FAM53B: variants seen among roughly 807,000 people sequenced by gnomAD.
The protein encoded by FAM53B is family with sequence similarity 53 member B, also known as protein FAM53B.
In FAM53B, 12 loss-of-function variants were observed where a neutral mutation model predicts 32.7. That is an observed-to-expected ratio of 0.37 (90% CI 0.24 to 0.59). The LOEUF is 0.59. Among genes scored for constraint, FAM53B ranks in the 20% least tolerant of loss-of-function variants. The pLI is 0.72. For synonymous variants in FAM53B, 234 were observed against 228.7 expected, an observed-to-expected ratio of 1.02 and a Z score of -0.21; for missense variants, 477 against 577.7, an observed-to-expected ratio of 0.83 and a Z score of 1.79.
At chr10:124,639,941 C>T (rs890622986) in intron 4 of FAM53B, among the ~76,000 whole-genome samples, 1 of 151,952 alleles carries the variant, frequency 6.6e-6, no homozygotes, top group Admixed American at 6.6e-5. Context: ...GTGGCAGGGC[C>T]AGGTTCAAAT....
chr10:124,731,378 CA>C (rs1243706049), intron 1 of FAM53B, among the ~76,000 whole-genome samples: 2 of 152,180 alleles, frequency 1.3e-5, no homozygotes, highest in African/African-American at 4.8e-5. Flanking sequence ...GAACCGAAGT[CA>C]AAAGCCATCA....
At chr10:124,694,584 C>T (rs1949856603) in intron 3 of FAM53B, among the ~76,000 whole-genome samples, 3 of 152,200 alleles carry the variant, frequency 2.0e-5, no homozygotes. Context: ...CAGCTAAAGC[C>T]TAGGCAGGGT....
Position 124,623,417 on chromosome 10 carries a change from T to C in FAM53B, c.1094A>G (p.Asp365Gly). ...CAGGTCCTCCTGGCAGGCGAGGTGG[T>C]CGTCGAAGGAAGGGGGAAGAGGCTC... is the stretch of plus-strand genomic sequence containing the variant. ...VPEPLPPSFDDHLACQEDLSC... is the reference protein window; with the variant it reads ...VPEPLPPSFDGHLACQEDLSC... The change falls in exon 5 of 5, where the codon GAC (aspartate) becomes GGC (glycine). Residue 365 changes from aspartate to glycine, a missense_variant. Physicochemically the swap from Asp to Gly is moderately conservative, Grantham distance 94 (BLOSUM62 -1). Coordinates refer to ENST00000337318, the MANE Select transcript of FAM53B (RefSeq NM_014661.4). 1 of 1,608,426 alleles carries C rather than the reference T, an allele frequency of 6.2e-7. No individual in the cohort carries two copies. The highest frequency in any genetic ancestry group is 8.5e-7 in the Non-Finnish European group (1 of 1,178,256).
At position 124,744,377 on chromosome 10, in the gene FAM53B, G is replaced by A. The variant is rs1314070019; in HGVS notation, c.-539C>T. The A allele has an allele frequency of 6.9e-6, 1 of 145,608 alleles. No individual in the cohort carries two copies. The highest frequency in any genetic ancestry group is 1.5e-5 in the Non-Finnish European group (1 of 65,032). 9.0% of individuals were successfully genotyped at this position (145,608 alleles called of 1,614,324 possible). A position where few individuals can be genotyped will look rare whatever the true frequency, so the allele number is the denominator to read the frequency against. ...GGCGGCGGCGGCAGGCGAGTGTGCA[G>A]TGCGCGCAGCCGCCGATGGGCGGGG... On this transcript the variant is annotated 5_prime_UTR_variant, in exon 1 of 5. Coordinates refer to ENST00000337318, the MANE Select transcript of FAM53B (RefSeq NM_014661.4).
At position 124,692,386 on chromosome 10, in the gene FAM53B, T is replaced by C. The variant is rs140181508; in HGVS notation, c.133+3772A>G. On this transcript the variant is annotated intron_variant, in intron 3 of 4. Transcript: ENST00000337318. Reference sequence around the variant, plus strand: ...GTATCCAGCTTGCAATCACAGGGCGTGAAGTGCTTTTAATTAAAATAAATA... The same window carrying C: ...GTATCCAGCTTGCAATCACAGGGCGCGAAGTGCTTTTAATTAAAATAAATA... 3.4e-3 allele frequency among the ~76,000 whole-genome samples: 521 copies of C among 152,124 alleles called. 8 individuals are homozygous for C. Among genetic ancestry groups the C allele is most frequent in the African/African-American group, 0.012 (508 of 41,474 alleles).
At chr10:124,642,517 C>T (rs546485325) in intron 4 of FAM53B, among the ~76,000 whole-genome samples, 12 of 152,376 alleles carry the variant, frequency 7.9e-5, no homozygotes, top group African/African-American at 2.6e-4. Flanking sequence ...GCCCAACAGG[C>T]AGATGGGTGC....
chr10:124,744,251 G>T lies in FAM53B; in HGVS notation c.-413C>A, dbSNP rs1489052454. 1 of 147,276 alleles carries T rather than the reference G, an allele frequency of 6.8e-6. No homozygotes were observed. Among genetic ancestry groups the T allele is most frequent in the Non-Finnish European group, 1.5e-5 (1 of 66,092 alleles). 9.1% of individuals were successfully genotyped at this position (147,276 alleles called of 1,614,324 possible). ...CCGCACCCGCCGCCGCCGCGGAGCC[G>T]CCAGACCGCGGCTGCGTGAACTCGG... On this transcript the variant is annotated 5_prime_UTR_variant, in exon 1 of 5. Transcript: ENST00000337318.
chr10:124,717,943 A>G (rs1270026619), intron 1 of FAM53B, among the ~76,000 whole-genome samples: 5 of 152,072 alleles, frequency 3.3e-5, no homozygotes, highest in African/African-American at 1.2e-4. Flanking sequence ...GGCTACAGAC[A>G]CAGCTTTCCT....
intron 4 of FAM53B, among the ~76,000 whole-genome samples, chr10:124,662,047 C>G (rs928474576): frequency 6.6e-6 from 1 of 152,204 alleles, no homozygotes; most frequent in Non-Finnish European, 1.5e-5. Context: ...CTCCATGACT[C>G]TAGCCCTCAC....
At chr10:124,725,981 C>T (rs1354777041) in intron 1 of FAM53B, among the ~76,000 whole-genome samples, 2 of 152,156 alleles carry the variant, frequency 1.3e-5, no homozygotes, top group South Asian at 2.1e-4. Flanking sequence ...GCAATGTGCA[C>T]TGGTTCTCCA....
intron 4 of FAM53B, among the ~76,000 whole-genome samples, chr10:124,626,388 G>C (rs1453568938): frequency 2.9e-5 from 3 of 101,768 alleles, no homozygotes; most frequent in African/African-American, 6.7e-5. Flanking sequence ...CGAAATTTGT[G>C]CCCCCCCCCC....
intron 3 of FAM53B, among the ~76,000 whole-genome samples, chr10:124,687,403 G>C (rs1205172312): frequency 6.6e-6 from 1 of 152,214 alleles, no homozygotes; most frequent in Admixed American, 6.5e-5. Flanking sequence ...AAAGGGCAAG[G>C]ACCTGGGTTC....
In FAM53B at chr10:124,680,230, G is replaced by C. The variant is rs75906421; in HGVS notation, c.906+1377C>G. ...GGAAACTAGCTGAGAAGAGGCAAGA[G>C]CTCTGCCCCACACCCCTTCAGGCTC... On this transcript the variant is annotated intron_variant, in intron 4 of 4. Transcript: ENST00000337318. Among the ~76,000 whole-genome samples, 662 of 152,302 alleles carry C rather than the reference G, an allele frequency of 4.3e-3. 27 individuals are homozygous for C. In the East Asian group the frequency reaches 0.09, roughly 21 times the overall value.
At chr10:124,700,960 G>A (rs1211544950) in intron 2 of FAM53B, among the ~76,000 whole-genome samples, 1 of 152,218 alleles carries the variant, frequency 6.6e-6, no homozygotes. Flanking sequence ...CCTGAGACAA[G>A]AAAGAGAAGC....
chr10:124,725,929 T>C (rs1303353827), intron 1 of FAM53B, among the ~76,000 whole-genome samples: 1 of 152,074 alleles, frequency 6.6e-6, no homozygotes, highest in Non-Finnish European at 1.5e-5. Context: ...CCAACCCACA[T>C]CCTTGCTGGG....
At chr10:124,644,715 G>C (rs568656681) in intron 4 of FAM53B, among the ~76,000 whole-genome samples, 1 of 152,278 alleles carries the variant, frequency 6.6e-6, no homozygotes, top group African/African-American at 2.4e-5. Context: ...TGTGGGTAGG[G>C]AACCCGAGAG....
rs549579629 is a variant in FAM53B at position 124,622,492 on chromosome 10, G to C, written c.*750C>G. The stretch of plus-strand genomic sequence containing the variant: ...GGGTCAGCCTCTCCATGCTGTAGGA[G>C]AGGCAAGCAAGTCCGTCTTTTCAGC... On this transcript the variant is annotated 3_prime_UTR_variant, in exon 5 of 5. Coordinates refer to ENST00000337318, the MANE Select transcript of FAM53B (RefSeq NM_014661.4). 1 of 152,248 alleles carries C rather than the reference G, an allele frequency of 6.6e-6. No homozygotes were observed. Among genetic ancestry groups the C allele is most frequent in the African/African-American group, 2.4e-5 (1 of 41,442 alleles). The allele number at this position is 152,248 out of a possible 1,614,324, so 9.4% of individuals were successfully genotyped here.
chr10:124,694,189 G>A (rs1229129530), intron 3 of FAM53B, among the ~76,000 whole-genome samples: 3 of 152,238 alleles, frequency 2.0e-5, no homozygotes, highest in South Asian at 2.1e-4. Context: ...ACAGGACCCT[G>A]CTGAAGAGGA....
At position 124,622,199 on chromosome 10, in the gene FAM53B, C is replaced by T. The variant is rs1589727234; in HGVS notation, c.*1043G>A. 6.6e-6 allele frequency: 1 copy of T among 152,228 alleles called. No homozygotes were observed. The highest frequency in any genetic ancestry group is 1.9e-4 in the East Asian group (1 of 5,182). The allele number at this position is 152,228 out of a possible 1,614,324, so 9.4% of individuals were successfully genotyped here. On this transcript the variant is annotated 3_prime_UTR_variant, in exon 5 of 5. Transcript: ENST00000337318. ...ATGTGCCCTGGTTACAGCCAGCAGT[C>T]CTCAAGGACAAACGGGAGGTGCCTG...
Sources: gnomAD v4.1 joint callset for allele counts (sites outside exome capture counted in the v4.1 genomes callset) on GRCh38, gnomAD v4.1.1 for gene constraint, MANE v1.5 for transcripts, NCBI Gene and HGNC (gene_info 2026-07-23, HGNC 2026-07-21) for gene names.